The following NLGN1 variants were observed in gnomAD, a reference collection of about 807,000 sequenced individuals.
NLGN1 encodes neuroligin-1.
In NLGN1, 12 loss-of-function variants were observed where a neutral mutation model predicts 65.5. That is an observed-to-expected ratio of 0.18 (90% CI 0.12 to 0.30). The LOEUF is 0.30. Among genes scored for constraint, NLGN1 ranks in the 10% least tolerant of loss-of-function variants. The probability of loss-of-function intolerance (pLI) is 1.00; values close to 1 mark genes in which losing one functional copy is unlikely to be tolerated. For synonymous variants in NLGN1, 350 were observed against 359.5 expected (o/e 0.97, Z 0.30); for missense variants, 750 against 1,007.1 (o/e 0.74, Z 3.46).
intron 4 of NLGN1, among the ~76,000 whole-genome samples, chr3:174,141,202 C>CT (rs1016772982): frequency 8.0e-4 from 122 of 151,884 alleles, no homozygotes; most frequent in Middle Eastern, 3.4e-3. Flanking sequence ...AAGAAAAAGA[C>CT]TTTTTTTTAA....
chr3:173,512,240 C>G (rs114462717), intron 2 of NLGN1, among the ~76,000 whole-genome samples: 1 of 152,238 alleles, frequency 6.6e-6, no homozygotes, highest in Non-Finnish European at 1.5e-5. Context: ...GTCAGTGTGA[C>G]AGCCTTTTTG....
At chr3:173,529,983 A>C (rs1463258868) in intron 2 of NLGN1, among the ~76,000 whole-genome samples, 2 of 137,710 alleles carry the variant, frequency 1.5e-5, no homozygotes. Flanking sequence ...TTTTAGATAG[A>C]GTCTTACTCT....
intron 4 of NLGN1, among the ~76,000 whole-genome samples, chr3:174,025,238 G>A (rs557644586): frequency 6.6e-6 from 1 of 152,286 alleles, no homozygotes; most frequent in Admixed American, 6.5e-5. Flanking sequence ...CACTAAGGCT[G>A]AAAATGGTTA....
At chr3:174,249,525 G>A (rs1406547964) in intron 4 of NLGN1, among the ~76,000 whole-genome samples, 3 of 152,164 alleles carry the variant, frequency 2.0e-5, no homozygotes, top group Admixed American at 2.0e-4. Flanking sequence ...CTTGAAATAA[G>A]GCTAGACAGT....
intron 2 of NLGN1, among the ~76,000 whole-genome samples, chr3:173,543,777 A>C (rs1739292065): frequency 6.6e-6 from 1 of 152,170 alleles, no homozygotes; most frequent in Non-Finnish European, 1.5e-5. Flanking sequence ...AGATAGAAAT[A>C]AAATGGCATA....
chr3:173,504,874 C>A (rs542231804), intron 2 of NLGN1, among the ~76,000 whole-genome samples: 2 of 151,964 alleles, frequency 1.3e-5, no homozygotes, highest in Admixed American at 1.3e-4. Flanking sequence ...AAGTCTATTT[C>A]GTGTTGGACT....
chr3:173,987,897 T>C (rs1166116334), intron 4 of NLGN1, among the ~76,000 whole-genome samples: 1 of 152,210 alleles, frequency 6.6e-6, no homozygotes, highest in Non-Finnish European at 1.5e-5. Flanking sequence ...GGCTTTACTG[T>C]CAAATATTCC....
intron 3 of NLGN1, among the ~76,000 whole-genome samples, chr3:173,669,607 A>G (rs1380671887): frequency 2.0e-5 from 3 of 152,212 alleles, no homozygotes; most frequent in African/African-American, 7.2e-5. Context: ...TTACACCCAC[A>G]GCAACCTTAT....
intron 2 of NLGN1, among the ~76,000 whole-genome samples, chr3:173,438,517 G>T (rs1011709729): frequency 4.6e-5 from 7 of 152,166 alleles, no homozygotes; most frequent in Non-Finnish European, 7.4e-5. Context: ...TAAACAGTAT[G>T]CAATATAGTG....
At chr3:173,445,756 T>G (rs1325669897) in intron 2 of NLGN1, among the ~76,000 whole-genome samples, 1 of 152,232 alleles carries the variant, frequency 6.6e-6, no homozygotes, top group Non-Finnish European at 1.5e-5. Flanking sequence ...TCTTTGTGCT[T>G]GCACCAGGGA....
chr3:173,484,655 T>G (rs935053565), intron 2 of NLGN1, among the ~76,000 whole-genome samples: 2 of 152,124 alleles, frequency 1.3e-5, no homozygotes, highest in Non-Finnish European at 2.9e-5. Context: ...CCAATATATC[T>G]ATGAAAAGAT....
chr3:173,799,357 C>A (rs570657743), intron 3 of NLGN1, among the ~76,000 whole-genome samples: 1 of 151,968 alleles, frequency 6.6e-6, no homozygotes, highest in South Asian at 2.1e-4. Context: ...CTTTCATATG[C>A]CCTTTGACGT....
intron 4 of NLGN1, among the ~76,000 whole-genome samples, chr3:174,151,506 C>T (rs1724343549): frequency 6.6e-6 from 1 of 152,042 alleles, no homozygotes; most frequent in South Asian, 2.1e-4. Flanking sequence ...TTGAATTGTC[C>T]TGAGGCCTCT....
chr3:174,064,908 G>C (rs896861310), intron 4 of NLGN1, among the ~76,000 whole-genome samples: 1 of 150,738 alleles, frequency 6.6e-6, no homozygotes, highest in African/African-American at 2.4e-5. Flanking sequence ...AAGACACATA[G>C]TAAGTACTAT....
At chr3:173,776,281 C>A (rs1164969225) in intron 3 of NLGN1, among the ~76,000 whole-genome samples, 1 of 151,862 alleles carries the variant, frequency 6.6e-6, no homozygotes, top group Non-Finnish European at 1.5e-5. Context: ...CTTAGAGAGC[C>A]CCTAAGCTCT....
intron 2 of NLGN1, among the ~76,000 whole-genome samples, chr3:173,572,709 G>C (rs1311016837): frequency 6.6e-6 from 1 of 152,208 alleles, no homozygotes; most frequent in Non-Finnish European, 1.5e-5. Flanking sequence ...ATATGTTGCT[G>C]TGAATGCAGA....
chr3:173,694,568 G>A (rs145812272), intron 3 of NLGN1, among the ~76,000 whole-genome samples: 510 of 152,266 alleles, frequency 3.3e-3, no homozygotes, highest in African/African-American at 0.012. Flanking sequence ...TTGTTTGTCA[G>A]AATGTACAGT....
intron 4 of NLGN1, among the ~76,000 whole-genome samples, chr3:174,152,955 T>C (rs1724685695): frequency 6.6e-6 from 1 of 152,156 alleles, no homozygotes; most frequent in Non-Finnish European, 1.5e-5. Flanking sequence ...TTCATGCACT[T>C]AGAATAAAAT....
intron 4 of NLGN1, among the ~76,000 whole-genome samples, chr3:173,916,142 T>C (rs1463482034): frequency 3.9e-5 from 6 of 152,204 alleles, no homozygotes; most frequent in African/African-American, 1.2e-4. Flanking sequence ...AAGCATGTTA[T>C]ATAAACTAGC....
Sources: gnomAD v4.1 joint callset for allele counts (sites outside exome capture counted in the v4.1 genomes callset) on GRCh38, gnomAD v4.1.1 for gene constraint, MANE v1.5 for transcripts, NCBI Gene and HGNC (gene_info 2026-07-23, HGNC 2026-07-21) for gene names.